Variants in GPR176 observed in about 807,000 individuals in gnomAD.
GPR176 encodes the protein G protein-coupled receptor 176.
A neutral mutation model predicts 35.4 loss-of-function variants in GPR176; 26 were observed. The observed-to-expected ratio is 0.74, with a 90% CI of 0.54 to 1.02. The LOEUF (loss-of-function observed/expected upper bound fraction) is 1.02. Ranked by LOEUF, GPR176 falls within the 50% of genes least tolerant of loss-of-function variation. The pLI is 0.00. For synonymous variants in GPR176, 278 were observed against 271.3 expected (o/e 1.02, Z -0.24); for missense variants, 597 against 665.3 (o/e 0.90, Z 1.13).
At chr15:39,896,792 A>G (rs1215365389) in intron 1 of GPR176, among the ~76,000 whole-genome samples, 1 of 152,170 alleles carries the variant, frequency 6.6e-6, no homozygotes, top group African/African-American at 2.4e-5. Context: ...CCTGCCTATA[A>G]TCTCAGCTAC....
In GPR176 at chr15:39,866,831, T is replaced by G. The variant is rs369345448; in HGVS notation, c.172+53024A>C. Among the ~76,000 whole-genome samples, 21 of 152,264 alleles carry G rather than the reference T, an allele frequency of 1.4e-4. 1 individual carries two copies. The East Asian group carries it at 3.9e-3, about 28-fold the overall frequency. On this transcript the variant is annotated intron_variant, in intron 1 of 2. Transcript: ENST00000561100. Reference sequence around the variant, plus strand: ...ATAAATGTGTGAAGAAATAAATCACTGAAACATATGAGGAAGGTGGACTGT... The same window carrying G: ...ATAAATGTGTGAAGAAATAAATCACGGAAACATATGAGGAAGGTGGACTGT...
At chr15:39,861,812 G>A (rs1488333101) in intron 1 of GPR176, among the ~76,000 whole-genome samples, 1 of 152,204 alleles carries the variant, frequency 6.6e-6, no homozygotes, top group African/African-American at 2.4e-5. Context: ...TTAAAGGTCT[G>A]TTTTACAAAG....
intron 1 of GPR176, among the ~76,000 whole-genome samples, chr15:39,881,622 A>G (rs1415805587): frequency 1.3e-5 from 2 of 152,236 alleles, no homozygotes; most frequent in African/African-American, 4.8e-5. Context: ...CTTTTAACAT[A>G]GTTTAACATC....
chr15:39,851,816 GTC>G (rs1395266384), intron 1 of GPR176, among the ~76,000 whole-genome samples: 1 of 152,116 alleles, frequency 6.6e-6, no homozygotes, highest in Non-Finnish European at 1.5e-5. Flanking sequence ...GCCATTTCCA[GTC>G]ATCTCTTTTG....
At chr15:39,846,083 G>A (rs592772) in intron 1 of GPR176, among the ~76,000 whole-genome samples, 6,663 of 152,214 alleles carry the variant, frequency 0.044, 526 homozygotes, top group African/African-American at 0.15. Flanking sequence ...TGAAAATATC[G>A]TTCTGGACTT....
intron 1 of GPR176, among the ~76,000 whole-genome samples, chr15:39,887,598 TTA>T (rs1491408727): frequency 1.7e-4 from 5 of 29,750 alleles, no homozygotes; most frequent in Non-Finnish European, 3.0e-4. Flanking sequence ...TAATTTAAAT[TTA>T]AAAAAAAAAA....
rs1036659702 is a variant in GPR176 at position 39,801,732 on chromosome 15, G to T, written c.948C>A (p.Asn316Lys). 1 of 1,613,782 alleles carries T rather than the reference G, an allele frequency of 6.2e-7. No individual in the cohort carries two copies. The highest frequency in any genetic ancestry group is 1.1e-5 in the South Asian group (1 of 91,078). Reference sequence around the variant, plus strand: ...TGTTCACAGTAAGAAAGAGAACAGGGTTTGCCAGCAGGGAGACTTTGGGCA... The same window carrying T: ...TGTTCACAGTAAGAAAGAGAACAGGTTTTGCCAGCAGGGAGACTTTGGGCA... ...VWLPKVSLLA[N>K]PVLFLTVNKS... is the part of the protein sequence containing the mutation. Residue 316 changes from asparagine to lysine, a missense_variant, in exon 3 of 3, where the codon AAC (asparagine) becomes AAA (lysine). By Grantham distance (94) the Asn-to-Lys change is moderately conservative. Transcript: ENST00000561100.
chr15:39,799,235 A>G lies in GPR176; in HGVS notation c.*1897T>C, dbSNP rs886372347. The G allele has an allele frequency of 6.6e-5, 10 of 152,284 alleles. No homozygotes were observed. The highest frequency in any genetic ancestry group is 5.2e-4 in the Admixed American group (8 of 15,290). The allele number at this position is 152,284 out of a possible 1,614,324, so 9.4% of individuals were successfully genotyped here. On this transcript the variant is annotated 3_prime_UTR_variant, in exon 3 of 3. Transcript: ENST00000561100. Reference sequence around the variant, plus strand: ...CACTTGACAGATTCTCCTAAAGTGGACATAATTTTCCTAGAGATTATTATT... The same window carrying G: ...CACTTGACAGATTCTCCTAAAGTGGGCATAATTTTCCTAGAGATTATTATT...
At chr15:39,877,542 T>G (rs1595500745) in intron 1 of GPR176, among the ~76,000 whole-genome samples, 1 of 50,420 alleles carries the variant, frequency 2.0e-5, no homozygotes, top group South Asian at 1.0e-3. Context: ...GCTCTTCTTC[T>G]TCTTCTTCTT....
At chr15:39,846,454 G>A (rs2030433799) in intron 1 of GPR176, among the ~76,000 whole-genome samples, 1 of 152,136 alleles carries the variant, frequency 6.6e-6, no homozygotes, top group Non-Finnish European at 1.5e-5. Context: ...GAGGCCAGAT[G>A]GGGAACCTGA....
intron 1 of GPR176, among the ~76,000 whole-genome samples, chr15:39,817,220 C>T (rs927113815): frequency 2.6e-5 from 4 of 152,022 alleles, no homozygotes; most frequent in Non-Finnish European, 5.9e-5. Context: ...TTTTTGCCAC[C>T]ATCACTAGAA....
intron 1 of GPR176, among the ~76,000 whole-genome samples, chr15:39,816,384 G>C (rs556706691): frequency 6.6e-6 from 1 of 151,720 alleles, no homozygotes; most frequent in South Asian, 2.1e-4. Flanking sequence ...GTACAACACA[G>C]ATATATACCA....
At chr15:39,818,286 A>G (rs1900049079) in intron 1 of GPR176, among the ~76,000 whole-genome samples, 1 of 152,252 alleles carries the variant, frequency 6.6e-6, no homozygotes, top group South Asian at 2.1e-4. Context: ...AATTAATTTG[A>G]TTCCAGAGGA....
intron 1 of GPR176, among the ~76,000 whole-genome samples, chr15:39,909,203 G>A (rs2033510054): frequency 6.6e-6 from 1 of 152,174 alleles, no homozygotes; most frequent in South Asian, 2.1e-4. Context: ...GGTAGGGGCT[G>A]GATGCAGAGC....
rs1039113879 is a variant in GPR176 at position 39,799,035 on chromosome 15, T to G, written c.*2097A>C. On this transcript the variant is annotated 3_prime_UTR_variant, in exon 3 of 3. Coordinates refer to ENST00000561100, the MANE Select transcript of GPR176 (RefSeq NM_007223.3). Reference sequence around the variant, plus strand: ...GAGTTCAGAAACTGCTTTTCAATTTTTTATTAAAATGTTATTCTTCAAAGA... The same window carrying G: ...GAGTTCAGAAACTGCTTTTCAATTTGTTATTAAAATGTTATTCTTCAAAGA... 1.3e-5 allele frequency: 2 copies of G among 152,242 alleles called. No individual in the cohort carries two copies. Among genetic ancestry groups the G allele is most frequent in the African/African-American group, 4.8e-5 (2 of 41,462 alleles). 9.4% of individuals were successfully genotyped at this position (152,242 alleles called of 1,614,324 possible).
chr15:39,906,537 AG>A lies in GPR176; in HGVS notation c.172+13317del, dbSNP rs371927367. Among the ~76,000 whole-genome samples the A allele has an allele frequency of 1.8e-4, 28 of 152,336 alleles. No individual in the cohort carries two copies. The East Asian group carries it at 3.7e-3, about 20-fold the overall frequency. On this transcript the variant is annotated intron_variant, in intron 1 of 2. Transcript: ENST00000561100. ...CTGTCTAAGACCCAAAGACTCCAAAAGCTATAAGGACATCCCCCACACATTA... is the reference window on the plus strand; with the variant it reads ...CTGTCTAAGACCCAAAGACTCCAAAACTATAAGGACATCCCCCACACATTA...
intron 1 of GPR176, among the ~76,000 whole-genome samples, chr15:39,866,772 T>TG (rs1298187623): frequency 6.6e-6 from 1 of 152,174 alleles, no homozygotes; most frequent in Non-Finnish European, 1.5e-5. Context: ...AAAATAAAGT[T>TG]GAACTTTTTA....
At chr15:39,807,479 T>C in intron 1 of GPR176, 2 of 1,161,140 alleles carry the variant, frequency 1.7e-6, no homozygotes, top group Non-Finnish European at 2.3e-6. Flanking sequence ...AAAATTTTAG[T>C]GGTGAGTTTC....
intron 1 of GPR176, among the ~76,000 whole-genome samples, chr15:39,880,241 C>T (rs967252468): frequency 1.3e-5 from 2 of 152,210 alleles, no homozygotes; most frequent in Non-Finnish European, 2.9e-5. Context: ...CATTCCTCTG[C>T]ATCCAGTGGA....
Sources: allele counts gnomAD v4.1 joint callset (sites outside exome capture counted in the v4.1 genomes callset), GRCh38; gene constraint gnomAD v4.1.1; transcripts MANE v1.5; gene names NCBI Gene and HGNC (gene_info 2026-07-23, HGNC 2026-07-21).